Variants in BCAR1 observed in about 807,000 individuals in gnomAD.
BCAR1 encodes the protein BCAR1 scaffold protein, Cas family member.
In BCAR1, 30 loss-of-function variants were observed where a neutral mutation model predicts 67.6. The ratio of observed to expected loss-of-function variants is 0.44; its 90% CI spans 0.33 to 0.60. BCAR1 has a LOEUF of 0.60. Among genes scored for constraint, BCAR1 ranks in the 20% least tolerant of loss-of-function variants. The probability of loss-of-function intolerance (pLI) is 0.02; values close to 1 mark genes in which losing one functional copy is unlikely to be tolerated. For synonymous variants in BCAR1, 626 were observed against 556.7 expected, an observed-to-expected ratio of 1.12 and a Z score of -1.75; for missense variants, 1,313 against 1,222.3, an observed-to-expected ratio of 1.07 and a Z score of -1.11.
rs1165515064 is a variant in BCAR1 at position 75,229,448 on chromosome 16, A to G, written c.*63T>C. The G allele has an allele frequency of 2.7e-6, 4 of 1,455,586 alleles. No individual in the cohort carries two copies. The highest frequency in any genetic ancestry group is 3.6e-6 in the Non-Finnish European group (4 of 1,104,802). 90.2% of individuals were successfully genotyped at this position (1,455,586 alleles called of 1,614,324 possible). A position where few individuals can be genotyped will look rare whatever the true frequency, so the allele number is the denominator to read the frequency against. On this transcript the variant is annotated 3_prime_UTR_variant, in exon 7 of 7. Transcript: ENST00000162330. ...AGCCTGTGGCACAGCGACTCTTGAC[A>G]TGGGAGCCAGGGAGCTGGGACCGCC... is the stretch of plus-strand genomic sequence containing the variant.
chr16:75,233,225 C>A (rs1212455361), intron 6 of BCAR1, among the ~76,000 whole-genome samples: 2 of 152,006 alleles, frequency 1.3e-5, no homozygotes, highest in Non-Finnish European at 2.9e-5. Context: ...ATATAAAAAT[C>A]AGCCAGGTGT....
Position 75,235,999 on chromosome 16 carries a change from C to T in BCAR1, c.913-13G>A, listed in dbSNP as rs1489250971. 4 of 1,559,456 alleles carry T rather than the reference C, an allele frequency of 2.6e-6. No individual in the cohort carries two copies. Among genetic ancestry groups the T allele is most frequent in the African/African-American group, 1.4e-5 (1 of 73,976 alleles). On this transcript the variant is annotated splice_polypyrimidine_tract_variant and intron_variant, in intron 4 of 6. Coordinates refer to ENST00000162330, the MANE Select transcript of BCAR1 (RefSeq NM_014567.5). The stretch of plus-strand genomic sequence containing the variant: ...GAACGTCGTAGACCTGGGGGACAAG[C>T]GGTGGTCAAGACTGTCCATCTGTCC...
chr16:75,265,001 G>C (rs902534234), intron 1 of BCAR1: 1 of 152,858 alleles, frequency 6.5e-6, no homozygotes, highest in Non-Finnish European at 1.5e-5. Flanking sequence ...ACCCGGGGTA[G>C]CCAGGATCAC....
intron 1 of BCAR1, chr16:75,263,560 C>T: frequency 1.0e-6 from 1 of 985,456 alleles, no homozygotes; most frequent in Non-Finnish European, 1.2e-6. Flanking sequence ...CAAGGTGACA[C>T]CAGCTGATCC....
rs543988849 is a variant in BCAR1 at position 75,242,884 on chromosome 16, C to T, written c.219G>A (p.Gly73=). Residue 73 remains glycine, a synonymous_variant, in exon 2 of 7, where the codon GGG becomes GGA. Transcript: ENST00000162330. ...GGGTGGCGGGAGGGCCGGGGCCAGG[C>T]CCTGCTGGCTTCTTATCATACATGC... ...LVGMYDKKPA[G]PGPGPPATPA... is the part of the protein sequence containing the mutation. 2 of 1,610,880 alleles carry T rather than the reference C, an allele frequency of 1.2e-6. No homozygotes were observed. Among genetic ancestry groups the T allele is most frequent in the East Asian group, 2.2e-5 (1 of 44,846 alleles).
At position 75,236,835 on chromosome 16, in the gene BCAR1, C is replaced by T. The variant is rs373876733; in HGVS notation, c.912+47G>A. On this transcript the variant is annotated intron_variant, in intron 4 of 6. Coordinates refer to ENST00000162330, the MANE Select transcript of BCAR1 (RefSeq NM_014567.5). ...GCACCCCTGTGCACACACCCAGACA[C>T]CCCACAGCCTCAGCCTGGCCCTGGC... 17 of 1,596,516 alleles carry T rather than the reference C, an allele frequency of 1.1e-5. No homozygotes were observed. The East Asian group carries it at 1.3e-4, about 13-fold the overall frequency.
intron 2 of BCAR1, among the ~76,000 whole-genome samples, chr16:75,237,935 TG>T (rs1465448368): frequency 1.3e-5 from 2 of 152,108 alleles, no homozygotes; most frequent in African/African-American, 4.8e-5. Flanking sequence ...GGGTGTGTGC[TG>T]GGGGGCGCAG....
At chr16:75,252,223 G>A (rs1321143025), upstream of BCAR1, 11 of 1,536,642 alleles carry the variant, frequency 7.2e-6, no homozygotes, top group Non-Finnish European at 9.6e-6. Flanking sequence ...GCTTTTCACG[G>A]GCAGCACCTA....
intron 1 of BCAR1, among the ~76,000 whole-genome samples, chr16:75,262,084 G>C (rs2077917281): frequency 6.6e-6 from 1 of 152,102 alleles, no homozygotes; most frequent in African/African-American, 2.4e-5. Context: ...AGCCAACACT[G>C]TTCACTCTAG....
chr16:75,236,795 T>G (rs765206814), intron 4 of BCAR1, 87 bp downstream of exon 4: 2 of 1,507,590 alleles, frequency 1.3e-6, no homozygotes, highest in Middle Eastern at 1.9e-4. Context: ...CCCCCAGCCC[T>G]GCAGACACTG....
chr16:75,236,683 G>T (rs1312492832), intron 4 of BCAR1, 199 bp downstream of exon 4: 2 of 1,120,478 alleles, frequency 1.8e-6, no homozygotes, highest in African/African-American at 1.6e-5. Context: ...CGCAACAGGC[G>T]GTTCTGCCGA....
At chr16:75,233,457 T>C (rs1336591664) in intron 6 of BCAR1, among the ~76,000 whole-genome samples, 3 of 151,926 alleles carry the variant, frequency 2.0e-5, no homozygotes, top group Non-Finnish European at 4.4e-5. Context: ...TCCACAAGAA[T>C]GCTTAACGCC....
chr16:75,259,760 G>A lies in BCAR1; in HGVS notation c.66+8155C>T, dbSNP rs562754765. On this transcript the variant is annotated intron_variant, in intron 1 of 6. Transcript: ENST00000393422. ...CCAGCTATTTGGGAGGCTGAGGCAG[G>A]AGAATCGCTTGAACCTAGGAGGTGG... Among the ~76,000 whole-genome samples, 4 of 149,078 alleles carry A rather than the reference G, an allele frequency of 2.7e-5. No homozygotes were observed. In the South Asian group the frequency reaches 8.4e-4, roughly 31 times the overall value.
Position 75,229,895 on chromosome 16 carries a change from C to T in BCAR1, c.2229G>A (p.Leu743=), listed in dbSNP as rs780030426. Residue 743 remains leucine (L), a synonymous_variant, in exon 7 of 7, where the codon CTG becomes CTA. Transcript: ENST00000162330. The stretch of plus-strand genomic sequence containing the variant: ...CACACTGCTCCAGGTAGAAGAGCAG[C>T]AGCTGCCGGTCCGAGGGCCCCAGGC... ...TGGLGPSDRQ[L]LLFYLEQCEA... is the part of the protein sequence containing the mutation. The T allele has an allele frequency of 6.8e-6, 11 of 1,610,110 alleles. No homozygotes were observed. The highest frequency in any genetic ancestry group is 8.5e-6 in the Non-Finnish European group (10 of 1,177,560).
rs752380223 is a variant in BCAR1 at position 75,237,220 on chromosome 16, G to A, written c.758C>T (p.Pro253Leu). ...CTGGCTGGGAAGCAGCCCCCGAACCGGGGGCACATCATAGATGTCCTGTGG... is the reference window on the plus strand; with the variant it reads ...CTGGCTGGGAAGCAGCCCCCGAACCAGGGGCACATCATAGATGTCCTGTGG... ...PGPQDIYDVPPVRGLLPSQYG... is the reference protein window; with the variant it reads ...PGPQDIYDVPLVRGLLPSQYG... Residue 253 changes from proline to leucine, a missense_variant, in exon 3 of 7, where the codon CCG (proline) becomes CTG (leucine). Pro to Leu is a moderately conservative substitution (Grantham distance 98). Coordinates refer to ENST00000162330, the MANE Select transcript of BCAR1 (RefSeq NM_014567.5). 33 of 1,566,352 alleles carry A rather than the reference G, an allele frequency of 2.1e-5. 1 individual carries two copies. In the South Asian group the frequency reaches 3.6e-4, roughly 17 times the overall value.
At position 75,229,620 on chromosome 16, in the gene BCAR1, A is replaced by G; in HGVS notation, c.2504T>C (p.Leu835Ser). 3 of 1,612,480 alleles carry G rather than the reference A, an allele frequency of 1.9e-6. No individual in the cohort carries two copies. The highest frequency in any genetic ancestry group is 2.5e-6 in the Non-Finnish European group (3 of 1,179,826). Residue 835 changes from leucine (L) to serine (S), a missense_variant, in exon 7 of 7, where the codon TTG (leucine) becomes TCG (serine). Physicochemically the swap from Leu to Ser is moderately radical, Grantham distance 145. Around this residue, in one of 2 missense-constraint regions of BCAR1, gnomAD observed 1,272 missense variants for 1,137.5 expected, o/e 1.12. Coordinates refer to ENST00000162330, the MANE Select transcript of BCAR1 (RefSeq NM_014567.5). ...GGCCGCGGAAGGCGATGGGTACTGC[A>G]AGGCAGCGGCCTTGGTGGTGGCCAC... Reference protein sequence around the residue: ...GIVATTKAAALQYPSPSAAQD... With the variant: ...GIVATTKAAASQYPSPSAAQD...
upstream of BCAR1, chr16:75,251,812 G>A (rs2077688776): frequency 2.5e-6 from 1 of 393,542 alleles, no homozygotes; most frequent in Non-Finnish European, 3.4e-6. Flanking sequence ...CAACCCCGAG[G>A]CTCCAGGCCC....
intron 4 of BCAR1, chr16:75,236,359 TACTGCC>T: frequency 3.0e-6 from 1 of 338,714 alleles, no homozygotes; most frequent in Non-Finnish European, 5.4e-6. Flanking sequence ...TTAGCTGTGA[TACTGCC>T]ACTGCCACCA....
rs780393782 is a variant in BCAR1, at chr16:75,242,906, A to G, written c.197T>C (p.Met66Thr). The G allele has an allele frequency of 1.2e-6, 2 of 1,612,120 alleles. No homozygotes were observed. Among genetic ancestry groups the G allele is most frequent in the African/African-American group, 1.3e-5 (1 of 74,976 alleles). Residue 66 changes from methionine (M) to threonine (T), a missense_variant, in exon 2 of 7, where the codon ATG becomes ACG. Transcript: ENST00000162330. ...PGNRLKILVGMYDKKPAGPGP... is the reference protein window; with the variant it reads ...PGNRLKILVGTYDKKPAGPGP... ...AGGCCCTGCTGGCTTCTTATCATAC[A>G]TGCCCACCAAGATCTTGAGGCGGTT... is the stretch of plus-strand genomic sequence containing the variant.
Sources: allele counts gnomAD v4.1 joint callset (sites outside exome capture counted in the v4.1 genomes callset), GRCh38; gene constraint gnomAD v4.1.1; regional missense constraint gnomAD v4.1.1; transcripts MANE v1.5; gene names NCBI Gene and HGNC (gene_info 2026-07-23, HGNC 2026-07-21).